CSMD3: variants seen among roughly 807,000 people sequenced by gnomAD.
The protein encoded by CSMD3 is CUB and sushi domain-containing protein 3.
A neutral mutation model predicts 435.2 loss-of-function variants in CSMD3; 177 were observed. The observed-to-expected ratio is 0.41, with a 90% CI of 0.36 to 0.46. The LOEUF (loss-of-function observed/expected upper bound fraction) is 0.46. Ranked by LOEUF, CSMD3 falls within the 20% of genes least tolerant of loss-of-function variation. The pLI is 0.34. For synonymous variants in CSMD3, 1,656 were observed against 1,520.5 expected (o/e 1.09, Z -2.07); for missense variants, 4,265 against 4,504.6 (o/e 0.95, Z 1.52).
At position 112,690,163 on chromosome 8, in the gene CSMD3, A is replaced by T. The variant is rs1586976945; in HGVS notation, c.1973-113T>A. The T allele has an allele frequency of 5.0e-6, 4 of 798,738 alleles. No homozygotes were observed. In the East Asian group the frequency reaches 9.9e-5, roughly 20 times the overall value. The allele number at this position is 798,738 out of a possible 1,614,324, so 49.5% of individuals were successfully genotyped here. Reference sequence around the variant, plus strand: ...TTGTGGAGATATTTCAGAACAAAAAATAAATATATTCTCCAATCTTTTTTT... The same window carrying T: ...TTGTGGAGATATTTCAGAACAAAAATTAAATATATTCTCCAATCTTTTTTT... On this transcript the variant is annotated intron_variant, in intron 13 of 70. Transcript: ENST00000297405.
At chr8:112,525,361 T>C (rs1824767113) in intron 27 of CSMD3, among the ~76,000 whole-genome samples, 1 of 149,848 alleles carries the variant, frequency 6.7e-6, no homozygotes, top group Non-Finnish European at 1.5e-5. Flanking sequence ...ATGATTTATA[T>C]TAAATATACA....
intron 55 of CSMD3, 105 bp downstream of exon 55, chr8:112,292,432 A>AT (rs1345833086): frequency 9.0e-7 from 1 of 1,112,328 alleles, no homozygotes; most frequent in East Asian, 2.4e-5. Context: ...GTTTTATTAG[A>AT]TAAAAACTTT....
intron 47 of CSMD3, among the ~76,000 whole-genome samples, chr8:112,318,469 G>A (rs1313303974): frequency 6.6e-6 from 1 of 151,920 alleles, no homozygotes; most frequent in African/African-American, 2.4e-5. Context: ...AGTTTAATGA[G>A]TCTAGTGGTT....
Position 112,289,235 on chromosome 8 carries a change from CT to C in CSMD3, c.9148+129del. On this transcript the variant is annotated intron_variant, in intron 57 of 70. Transcript: ENST00000297405. ...CAGTAATGTGTAAGCAGTGTTTCAG[CT>C]TTTCTTATGAGATTTTTCAGAGAGA... The C allele has an allele frequency of 6.1e-6, 5 of 825,428 alleles. No homozygotes were observed. In the Admixed American group the frequency reaches 7.1e-5, roughly 12 times the overall value. 51.1% of individuals were successfully genotyped at this position (825,428 alleles called of 1,614,324 possible). A position where few individuals can be genotyped will look rare whatever the true frequency, so the allele number is the denominator to read the frequency against.
chr8:113,119,323 C>T (rs2090921812), intron 4 of CSMD3, among the ~76,000 whole-genome samples: 1 of 151,978 alleles, frequency 6.6e-6, no homozygotes, highest in African/African-American at 2.4e-5. Flanking sequence ...AACAATAGCT[C>T]TAAGAGACTA....
intron 1 of CSMD3, among the ~76,000 whole-genome samples, chr8:113,368,050 G>A (rs2094324188): frequency 1.3e-5 from 2 of 151,998 alleles, no homozygotes; most frequent in African/African-American, 4.8e-5. Flanking sequence ...AATATTTGTT[G>A]AATAAAGAAT....
At chr8:112,407,827 T>A (rs937576316) in intron 34 of CSMD3, among the ~76,000 whole-genome samples, 1 of 152,080 alleles carries the variant, frequency 6.6e-6, no homozygotes, top group Admixed American at 6.6e-5. Flanking sequence ...ATAAAATGTG[T>A]AAACAAACTT....
At chr8:113,163,660 A>G (rs2092091493) in intron 4 of CSMD3, among the ~76,000 whole-genome samples, 1 of 152,078 alleles carries the variant, frequency 6.6e-6, no homozygotes, top group South Asian at 2.1e-4. Context: ...TTGCAGGGCA[A>G]ATTCCAAATG....
intron 58 of CSMD3, 28 bp from the exon 59 acceptor site, chr8:112,281,378 TATAAA>T (rs1818620604): frequency 6.3e-7 from 1 of 1,586,944 alleles, no homozygotes. Context: ...TAAGAGTATA[TATAAA>T]AAATGCAATC....
intron 13 of CSMD3, among the ~76,000 whole-genome samples, chr8:112,715,818 G>A (rs187737095): frequency 6.4e-4 from 98 of 152,158 alleles, no homozygotes; most frequent in African/African-American, 2.3e-3. Flanking sequence ...AACCAATGAC[G>A]AAAACCACAT....
intron 3 of CSMD3, among the ~76,000 whole-genome samples, chr8:113,181,488 T>C (rs1340705247): frequency 6.6e-6 from 1 of 152,100 alleles, no homozygotes; most frequent in Non-Finnish European, 1.5e-5. Flanking sequence ...GACAAGTCAT[T>C]AGTTATGTTG....
chr8:113,112,623 T>C (rs1338546246), intron 4 of CSMD3, among the ~76,000 whole-genome samples: 1 of 151,452 alleles, frequency 6.6e-6, no homozygotes, highest in Non-Finnish European at 1.5e-5. Flanking sequence ...CCGAAGTCAC[T>C]GCAGAAAATT....
intron 3 of CSMD3, among the ~76,000 whole-genome samples, chr8:113,224,209 C>A (rs973081930): frequency 3.3e-5 from 5 of 151,012 alleles, no homozygotes; most frequent in Non-Finnish European, 5.9e-5. Flanking sequence ...TTTTTAAAAC[C>A]TCAACATTTT....
At chr8:112,467,535 T>TAG (rs1189687139) in intron 32 of CSMD3, among the ~76,000 whole-genome samples, 15 of 151,774 alleles carry the variant, frequency 9.9e-5, no homozygotes, top group Admixed American at 9.8e-4. Context: ...TGTATATATA[T>TAG]AGTTCACCCT....
At chr8:112,323,708 T>G (rs1017158776) in intron 45 of CSMD3, among the ~76,000 whole-genome samples, 2 of 152,066 alleles carry the variant, frequency 1.3e-5, no homozygotes, top group African/African-American at 2.4e-5. Context: ...GTTATTAAAT[T>G]GGCCTATAGT....
intron 13 of CSMD3, among the ~76,000 whole-genome samples, chr8:112,766,970 T>C (rs2077995147): frequency 6.6e-6 from 1 of 151,850 alleles, no homozygotes. Context: ...GTAAGACTTT[T>C]AGAAAGACAA....
intron 32 of CSMD3, among the ~76,000 whole-genome samples, chr8:112,462,937 T>C (rs1051348632): frequency 2.0e-5 from 3 of 152,134 alleles, no homozygotes; most frequent in Non-Finnish European, 4.4e-5. Context: ...ACAGTCAATC[T>C]CCCTTCTCTG....
At chr8:112,808,359 A>T (rs1033706235) in intron 12 of CSMD3, among the ~76,000 whole-genome samples, 3 of 152,020 alleles carry the variant, frequency 2.0e-5, no homozygotes, top group Admixed American at 6.6e-5. Context: ...GTGATATCCT[A>T]CCTTGTTTTA....
chr8:112,707,359 T>C (rs977110511), intron 13 of CSMD3, among the ~76,000 whole-genome samples: 2 of 152,022 alleles, frequency 1.3e-5, no homozygotes, highest in Non-Finnish European at 2.9e-5. Flanking sequence ...ATCATGTTGA[T>C]ACTGTGTTAG....
Sources: gnomAD v4.1 joint callset for allele counts (sites outside exome capture counted in the v4.1 genomes callset) on GRCh38, gnomAD v4.1.1 for gene constraint, MANE v1.5 for transcripts, NCBI Gene and HGNC (gene_info 2026-07-23, HGNC 2026-07-21) for gene names.